Variants in ATG4B observed in about 807,000 individuals in gnomAD.
ATG4B encodes autophagy related 4B cysteine peptidase.
A neutral mutation model predicts 56.6 loss-of-function variants in ATG4B; 29 were observed. The ratio of observed to expected loss-of-function variants is 0.51; its 90% CI spans 0.38 to 0.70. The LOEUF is 0.70. Among genes scored for constraint, ATG4B ranks in the 30% least tolerant of loss-of-function variants. ATG4B has a pLI of 0.00. For synonymous variants in ATG4B, 224 were observed against 206.1 expected (o/e 1.09, Z -0.74); for missense variants, 461 against 515.5 (o/e 0.89, Z 1.02).
chr2:241,659,465 C>A, intron 7 of ATG4B: 1 of 490,706 alleles, frequency 2.0e-6, no homozygotes, highest in Non-Finnish European at 4.1e-6. Context: ...TTTATGAAGG[C>A]CCTGCTGTGC....
chr2:241,662,230 A>G (rs1183677216), intron 7 of ATG4B, among the ~76,000 whole-genome samples: 2 of 152,218 alleles, frequency 1.3e-5, no homozygotes, highest in Admixed American at 6.5e-5. Flanking sequence ...TTGCAGAAGT[A>G]AAGGGAAACT....
In ATG4B at chr2:241,671,775, C is replaced by T. The variant is rs2125152098; in HGVS notation, c.1108+370C>T. On this transcript the variant is annotated intron_variant, in intron 12 of 12. Transcript: ENST00000404914. ...CACTGGCCATGGGTGGCGTAGACCC[C>T]TCGGACCATGGCCAGCGTGCCGCAG... is the stretch of plus-strand genomic sequence containing the variant. 4.7e-6 allele frequency: 6 copies of T among 1,283,678 alleles called. No homozygotes were observed. In the Middle Eastern group the frequency reaches 1.6e-3, roughly 339 times the overall value. 79.5% of individuals were successfully genotyped at this position (1,283,678 alleles called of 1,614,324 possible).
At chr2:241,670,691 G>T (rs1389097141) in intron 10 of ATG4B, 35 bp from the exon 11 acceptor site, 2 of 1,585,178 alleles carry the variant, frequency 1.3e-6, no homozygotes, top group East Asian at 4.5e-5. Context: ...TGCAGATGGG[G>T]GTGTCGTGTT....
At chr2:241,660,236 G>A (rs371504649) in intron 7 of ATG4B, among the ~76,000 whole-genome samples, 25 of 152,308 alleles carry the variant, frequency 1.6e-4, no homozygotes, top group Admixed American at 5.9e-4. Flanking sequence ...CCGTAACTGC[G>A]CACAGATTCA....
intron 1 of ATG4B, among the ~76,000 whole-genome samples, chr2:241,643,336 C>G (rs978863618): frequency 6.7e-6 from 1 of 149,268 alleles, no homozygotes. Context: ...TCCTCAGTAG[C>G]TAAGACTACA....
At chr2:241,637,816 C>A (rs1019646058) in intron 1 of ATG4B, 92 bp downstream of exon 1, 58 of 1,219,378 alleles carry the variant, frequency 4.8e-5, no homozygotes, top group Middle Eastern at 3.3e-4. Context: ...CGACTCGCCT[C>A]GGGGCACGCC....
intron 12 of ATG4B, 34 bp downstream of exon 12, chr2:241,671,439 G>C: frequency 1.2e-6 from 2 of 1,609,616 alleles, no homozygotes; most frequent in Non-Finnish European, 8.5e-7. Context: ...GGGTCCCTCG[G>C]AGGTACGATC....
At chr2:241,637,863 C>A in intron 1 of ATG4B, 139 bp downstream of exon 1, 1 of 391,440 alleles carries the variant, frequency 2.6e-6, no homozygotes, top group Non-Finnish European at 3.7e-6. Flanking sequence ...GCGGGCGCTG[C>A]GGGAGCGCGG....
rs546139868 is a variant in ATG4B, at chr2:241,662,098, C to G, written c.538+2911C>G. Reference sequence around the variant, plus strand: ...GATTAGAACTTTTCGGGAGAGTTGGCCACTGAAGGAGTAGGAGAAAATTCC... The same window carrying G: ...GATTAGAACTTTTCGGGAGAGTTGGGCACTGAAGGAGTAGGAGAAAATTCC... On this transcript the variant is annotated intron_variant, in intron 7 of 12. Transcript: ENST00000404914. Among the ~76,000 whole-genome samples the G allele has an allele frequency of 9.9e-5, 15 of 152,240 alleles. No individual in the cohort carries two copies. The South Asian group carries it at 3.1e-3, about 32-fold the overall frequency.
At position 241,658,310 on chromosome 2, in the gene ATG4B, G is replaced by T. The variant is rs1169004537; in HGVS notation, c.459-798G>T. ...TGGAGATGGGAGGAGGAAGGTGGTG[G>T]GGCAGGGGGGCAGTGGGGGGCAGGC... On this transcript the variant is annotated intron_variant, in intron 6 of 12. Transcript: ENST00000404914. Among the ~76,000 whole-genome samples the T allele has an allele frequency of 2.0e-5, 3 of 152,002 alleles. No individual in the cohort carries two copies. The East Asian group carries it at 5.8e-4, about 29-fold the overall frequency.
At chr2:241,670,861 C>A (rs772486724) in intron 11 of ATG4B, 79 bp downstream of exon 11, 75 of 1,435,726 alleles carry the variant, frequency 5.2e-5, no homozygotes, top group Admixed American at 7.8e-5. Flanking sequence ...GGTCGAAGGC[C>A]TGCGTCCAGG....
chr2:241,657,271 G>C (rs2068437293), intron 6 of ATG4B, among the ~76,000 whole-genome samples: 1 of 149,006 alleles, frequency 6.7e-6, no homozygotes, highest in Admixed American at 6.7e-5. Flanking sequence ...CACCGCGCCT[G>C]GCCAGGACTC....
At chr2:241,642,765 C>T (rs1559247024) in intron 1 of ATG4B, among the ~76,000 whole-genome samples, 1 of 148,422 alleles carries the variant, frequency 6.7e-6, no homozygotes, top group African/African-American at 2.5e-5. Context: ...TCGCAGAAGT[C>T]CCAGGGAAGA....
rs545665202 is a variant in ATG4B at position 241,656,721 on chromosome 2, G to C, written c.458+1378G>C. ...TCTGCATTTCCACCTGGGTATCTGTGTGCATGGTGACCTGACAGCCAGAGC... is the reference window on the plus strand; with the variant it reads ...TCTGCATTTCCACCTGGGTATCTGTCTGCATGGTGACCTGACAGCCAGAGC... On this transcript the variant is annotated intron_variant, in intron 6 of 12. Coordinates refer to ENST00000404914, the MANE Select transcript of ATG4B (RefSeq NM_013325.5). Among the ~76,000 whole-genome samples, 7 of 152,198 alleles carry C rather than the reference G, an allele frequency of 4.6e-5. No homozygotes were observed. In the South Asian group the frequency reaches 1.2e-3, roughly 27 times the overall value.
rs751174040 is a variant in ATG4B at position 241,668,169 on chromosome 2, G to A, written c.759G>A (p.Leu253=). 6.8e-6 allele frequency: 11 copies of A among 1,605,956 alleles called. No individual in the cohort carries two copies. Among genetic ancestry groups the A allele is most frequent in the Admixed American group, 1.7e-5 (1 of 59,158 alleles). ...ACTGCTTCATGATGCCCCAGTCCCT[G>A]GGCGTCATCGGAGGGAAGCCCAACA... The part of the protein sequence containing the change: ...LKHCFMMPQS[L]GVIGGKPNSA... The change falls in exon 9 of 13, where the codon CTG becomes CTA. Residue 253 remains leucine, a synonymous_variant. Transcript: ENST00000404914. The surrounding 1 kb of genome is among the most constrained non-coding windows in gnomAD (Gnocchi z 4.2).
intron 10 of ATG4B, among the ~76,000 whole-genome samples, chr2:241,669,618 C>T (rs2068894339): frequency 1.3e-5 from 2 of 152,232 alleles, no homozygotes. Context: ...CGCCATTCTC[C>T]TGCCTCAGCC....
intron 5 of ATG4B, chr2:241,654,876 G>C (rs2068347183): frequency 1.7e-6 from 1 of 583,908 alleles, no homozygotes; most frequent in East Asian, 2.8e-5. Flanking sequence ...CCTTCCTGCT[G>C]TCCATGCGGC....
intron 6 of ATG4B, among the ~76,000 whole-genome samples, chr2:241,657,343 G>T (rs912413965): frequency 1.4e-5 from 2 of 147,084 alleles, no homozygotes; most frequent in African/African-American, 5.0e-5. Context: ...TGTAGTCCAG[G>T]CTGGAGTGCA....
chr2:241,661,564 C>G (rs1317826343), intron 7 of ATG4B, among the ~76,000 whole-genome samples: 1 of 152,204 alleles, frequency 6.6e-6, no homozygotes, highest in Non-Finnish European at 1.5e-5. Flanking sequence ...GACTTTTCTT[C>G]TAGTTTCTCG....
Sources: allele counts gnomAD v4.1 joint callset (sites outside exome capture counted in the v4.1 genomes callset), GRCh38; gene constraint gnomAD v4.1.1; non-coding constraint Gnocchi (gnomAD v3.1); transcripts MANE v1.5; gene names NCBI Gene and HGNC (gene_info 2026-07-23, HGNC 2026-07-21).